NUBP1: variants seen among roughly 807,000 people sequenced by gnomAD.
NUBP1 encodes NUBP iron-sulfur cluster assembly factor 1, cytosolic.
Under a neutral mutation model 41.8 loss-of-function variants are expected in NUBP1, and 46 were observed. The observed-to-expected ratio is 1.10, with a 90% confidence interval of 0.87 to 1.41. The LOEUF is 1.41. NUBP1 is among the 40% of genes most tolerant of loss of function. NUBP1 has a pLI of 0.00. For synonymous variants in NUBP1, 189 were observed against 154.6 expected (o/e 1.22, Z -1.65); for missense variants, 494 against 414.0 (o/e 1.19, Z -1.68).
chr16:10,762,828 G>A (rs866626034), intron 9 of NUBP1, among the ~76,000 whole-genome samples: 2 of 148,148 alleles, frequency 1.3e-5, no homozygotes, highest in Non-Finnish European at 1.5e-5. Flanking sequence ...GGGAGAGGGC[G>A]GGGCCCGTGG....
intron 9 of NUBP1, among the ~76,000 whole-genome samples, chr16:10,762,649 T>C (rs1281477777): frequency 6.6e-6 from 1 of 152,116 alleles, no homozygotes; most frequent in Admixed American, 6.5e-5. Context: ...GAGAGAAGGC[T>C]GGAGGGGAGG....
At chr16:10,750,284 G>T (rs1900260565) in intron 3 of NUBP1, among the ~76,000 whole-genome samples, 1 of 152,132 alleles carries the variant, frequency 6.6e-6, no homozygotes. Flanking sequence ...TCATTCTTTT[G>T]CCCAGGCTGG....
intron 9 of NUBP1, 126 bp downstream of exon 9, chr16:10,761,985 C>G: frequency 5.8e-6 from 4 of 687,308 alleles, no homozygotes; most frequent in Non-Finnish European, 9.7e-6. Flanking sequence ...GGCGCTGGAG[C>G]CAGACCCACC....
At chr16:10,758,119 A>G in intron 7 of NUBP1, 92 bp downstream of exon 7, 1 of 1,445,316 alleles carries the variant, frequency 6.9e-7, no homozygotes, top group Non-Finnish European at 9.4e-7. Context: ...GGTCTCACCA[A>G]GGCTCTTCCC....
Position 10,767,093 on chromosome 16 carries a change from C to G in NUBP1, c.821-856C>G, listed in dbSNP as rs1017554427. On this transcript the variant is annotated intron_variant, in intron 9 of 10. Coordinates refer to ENST00000283027, the MANE Select transcript of NUBP1 (RefSeq NM_002484.4). This position sits in a 1 kb window ranked among gnomAD's most constrained non-coding sequence, Gnocchi z 4.6. ...GGTAGGAACCCCTCCTGGGGTTCAC[C>G]TGAGGCTGGTGACCGGCCATGGGCA... 5.0e-6 allele frequency: 2 copies of G among 398,652 alleles called. No individual in the cohort carries two copies. The highest frequency in any genetic ancestry group is 4.4e-5 in the Admixed American group (1 of 22,724). The allele number at this position is 398,652 out of a possible 1,614,324, so 24.7% of individuals were successfully genotyped here.
At chr16:10,758,482 A>G (rs908810225) in intron 7 of NUBP1, among the ~76,000 whole-genome samples, 1 of 152,174 alleles carries the variant, frequency 6.6e-6, no homozygotes, top group African/African-American at 2.4e-5. Flanking sequence ...CAAAAGATAA[A>G]AATAAGAAAA....
rs112870436 is a variant in NUBP1 at position 10,752,568 on chromosome 16, G to A, written c.259-42G>A. The A allele has an allele frequency of 5.1e-5, 77 of 1,508,700 alleles. 1 individual carries two copies. In the African/African-American group the frequency reaches 6.5e-4, roughly 13 times the overall value. 93.5% of individuals were successfully genotyped at this position (1,508,700 alleles called of 1,614,324 possible). On this transcript the variant is annotated intron_variant, in intron 3 of 10. Coordinates refer to ENST00000283027, the MANE Select transcript of NUBP1 (RefSeq NM_002484.4). ...CTAGTTGTGTGTGTCTGGAGTGTGTGCATTCAGTTATATAACCGCTTTGGT... is the reference window on the plus strand; with the variant it reads ...CTAGTTGTGTGTGTCTGGAGTGTGTACATTCAGTTATATAACCGCTTTGGT...
chr16:10,766,273 G>C lies in NUBP1; in HGVS notation c.821-1676G>C, dbSNP rs1364052943. On this transcript the variant is annotated intron_variant, in intron 9 of 10. Transcript: ENST00000283027. This position sits in a 1 kb window ranked among gnomAD's most constrained non-coding sequence, Gnocchi z 4.8. ...CCCCGTGTGTAAAATGCAGGTGACA[G>C]TGGTGCCTAGTGAGAGGGATCTGCC... The C allele has an allele frequency of 6.6e-6, 1 of 152,504 alleles. No individual in the cohort carries two copies. The highest frequency in any genetic ancestry group is 1.5e-5 in the Non-Finnish European group (1 of 68,274). The allele number at this position is 152,504 out of a possible 1,614,324, so 9.4% of individuals were successfully genotyped here. A position where few individuals can be genotyped will look rare whatever the true frequency, so the allele number is the denominator to read the frequency against.
intron 2 of NUBP1, 59 bp downstream of exon 2, chr16:10,744,124 G>A: frequency 7.3e-7 from 1 of 1,379,042 alleles, no homozygotes; most frequent in Non-Finnish European, 9.7e-7. Context: ...AAAAGGCGGG[G>A]CGTGGGAGGG....
chr16:10,749,934 G>C lies in NUBP1; in HGVS notation c.258+2658G>C, dbSNP rs1900241160. On this transcript the variant is annotated intron_variant, in intron 3 of 10. Transcript: ENST00000283027. This position sits in a 1 kb window ranked among gnomAD's most constrained non-coding sequence, Gnocchi z 4.1. The stretch of plus-strand genomic sequence containing the variant: ...GAAGGAGCCTCTGTAGCATAAGCCT[G>C]AGCCATGAGACAGCCAAGAGTCATA... Among the ~76,000 whole-genome samples, 1 of 152,220 alleles carries C rather than the reference G, an allele frequency of 6.6e-6. No homozygotes were observed. The highest frequency in any genetic ancestry group is 1.5e-5 in the Non-Finnish European group (1 of 68,036).
In NUBP1 at chr16:10,756,688, A is replaced by C. The variant is rs1165260825; in HGVS notation, c.361-2A>C. On this transcript the variant is annotated splice_acceptor_variant, in intron 5 of 10. Coordinates refer to ENST00000283027, the MANE Select transcript of NUBP1 (RefSeq NM_002484.4). LOFTEE classifies it high-confidence loss of function. The stretch of plus-strand genomic sequence containing the variant: ...CTTGCCCTCACCCTGTTCCCTCTGC[A>C]GTACGTGGAAGACAACCTGGGGGTG... The C allele has an allele frequency of 6.4e-7, 1 of 1,557,856 alleles. No individual in the cohort carries two copies. Among genetic ancestry groups the C allele is most frequent in the East Asian group, 2.5e-5 (1 of 39,976 alleles).
In NUBP1 at chr16:10,747,235, G is replaced by A. The variant is rs763737998; in HGVS notation, c.217G>A (p.Ala73Thr). ...CGGTGTTGGGAAAAGCACATTCAGC[G>A]CCCACCTTGCCCATGGCCTAGCAGA... is the stretch of plus-strand genomic sequence containing the variant. ...KGGVGKSTFSAHLAHGLAEDE... is the reference protein window; with the variant it reads ...KGGVGKSTFSTHLAHGLAEDE... The change falls in exon 3 of 11, where the codon GCC becomes ACC. Residue 73 changes from alanine to threonine, a missense_variant. Coordinates refer to ENST00000283027, the MANE Select transcript of NUBP1 (RefSeq NM_002484.4). The A allele has an allele frequency of 4.1e-5, 66 of 1,614,068 alleles. No homozygotes were observed. Among genetic ancestry groups the A allele is most frequent in the Non-Finnish European group, 5.1e-5 (60 of 1,180,048 alleles).
rs753666222 is a variant in NUBP1, at chr16:10,744,037, T to C, written c.96T>C (p.Ala32=). The C allele has an allele frequency of 6.3e-6, 10 of 1,583,160 alleles. No homozygotes were observed. In the African/African-American group the frequency reaches 6.8e-5, roughly 11 times the overall value. The change falls in exon 2 of 11, where the codon GCT becomes GCC. Residue 32 remains alanine (A), a synonymous_variant. Transcript: ENST00000283027. The stretch of plus-strand genomic sequence containing the variant: ...GATGCCCCAACCAGCGGCTGTGCGC[T>C]TCTGGAGCGGGGGCCACTCCGGACA... ...CQGCPNQRLC[A]SGAGATPDTA...
chr16:10,756,605 G>C (rs1900573855), intron 5 of NUBP1, 85 bp from the exon 6 acceptor site: 1 of 969,988 alleles, frequency 1.0e-6, no homozygotes, highest in South Asian at 1.9e-5. Context: ...TTTTCAGTCA[G>C]AGCTCAAACA....
chr16:10,767,031 C>A lies in NUBP1; in HGVS notation c.821-918C>A, dbSNP rs1469540514. The A allele has an allele frequency of 5.0e-6, 2 of 398,736 alleles. No homozygotes were observed. The allele number at this position is 398,736 out of a possible 1,614,324, so 24.7% of individuals were successfully genotyped here. On this transcript the variant is annotated intron_variant, in intron 9 of 10. Transcript: ENST00000283027. The surrounding 1 kb of genome is among the most constrained non-coding windows in gnomAD (Gnocchi z 4.6). ...ACTTGGACTTCCCTGTCCCACAGGG[C>A]GACACAGTAGTGAAGTTGAGGAAAT...
chr16:10,767,118 A>C lies in NUBP1; in HGVS notation c.821-831A>C. ...CTGAGGCTGGTGACCGGCCATGGGC[A>C]GTGCAGTCACTTGCCTGTTTCGCCA... is the stretch of plus-strand genomic sequence containing the variant. On this transcript the variant is annotated intron_variant, in intron 9 of 10. Transcript: ENST00000283027. This position sits in a 1 kb window ranked among gnomAD's most constrained non-coding sequence, Gnocchi z 4.6. 2.5e-6 allele frequency: 1 copy of C among 398,922 alleles called. No homozygotes were observed. The highest frequency in any genetic ancestry group is 4.4e-6 in the Non-Finnish European group (1 of 226,306). The allele number at this position is 398,922 out of a possible 1,614,324, so 24.7% of individuals were successfully genotyped here. A position where few individuals can be genotyped will look rare whatever the true frequency, so the allele number is the denominator to read the frequency against.
At chr16:10,755,648 A>G in intron 4 of NUBP1, 73 bp from the exon 5 acceptor site, 1 of 1,430,920 alleles carries the variant, frequency 7.0e-7, no homozygotes. Context: ...ACTTTGTACA[A>G]TTTGTCTGTG....
At position 10,767,980 on chromosome 16, in the gene NUBP1, C is replaced by T; in HGVS notation, c.852C>T (p.Phe284=). 1 of 1,614,034 alleles carries T rather than the reference C, an allele frequency of 6.2e-7. No individual in the cohort carries two copies. Among genetic ancestry groups the T allele is most frequent in the Non-Finnish European group, 8.5e-7 (1 of 1,179,988 alleles). The change falls in exon 10 of 11, where the codon TTC becomes TTT. Residue 284 remains phenylalanine, a synonymous_variant. Coordinates refer to ENST00000283027, the MANE Select transcript of NUBP1 (RefSeq NM_002484.4). The surrounding 1 kb of genome is among the most constrained non-coding windows in gnomAD (Gnocchi z 4.6). ...ATTGTGACAAAGGCCAGTCTTTTTT[C>T]ATTGACGCCCCAGATTCCCCAGCCA... is the stretch of plus-strand genomic sequence containing the variant. ...GKNCDKGQSF[F]IDAPDSPATL...
chr16:10,751,450 G>A (rs1004319118), intron 3 of NUBP1, among the ~76,000 whole-genome samples: 11 of 152,196 alleles, frequency 7.2e-5, no homozygotes, highest in South Asian at 4.1e-4. Flanking sequence ...GCGTTTTCCC[G>A]TGCACAAGTT....
Sources: allele counts gnomAD v4.1 joint callset (sites outside exome capture counted in the v4.1 genomes callset), GRCh38; gene constraint gnomAD v4.1.1; non-coding constraint Gnocchi (gnomAD v3.1); transcripts MANE v1.5; gene names NCBI Gene and HGNC (gene_info 2026-07-23, HGNC 2026-07-21).